LRTM1: variants seen among roughly 807,000 people sequenced by gnomAD.
The protein encoded by LRTM1 is leucine rich repeat transmembrane protein 1, also known as leucine-rich repeat and transmembrane domain-containing protein 1.
LRTM1 carries 38 observed loss-of-function variants against 32.4 expected under a neutral mutation model. The ratio of observed to expected loss-of-function variants is 1.17; its 90% CI spans 0.91 to 1.54. The LOEUF is 1.54. LRTM1 is among the 40% of genes most tolerant of loss of function. The pLI is 0.00. For synonymous variants in LRTM1, 186 were observed against 169.9 expected, an observed-to-expected ratio of 1.09 and a Z score of -0.74; for missense variants, 466 against 415.4, an observed-to-expected ratio of 1.12 and a Z score of -1.06.
chr3:54,948,414 A>G (rs1244276773), intron 1 of LRTM1, among the ~76,000 whole-genome samples: 2 of 152,220 alleles, frequency 1.3e-5, no homozygotes, highest in African/African-American at 4.8e-5. Context: ...TCATGGGCAT[A>G]TATGTGTTTG....
At chr3:54,965,568 G>A (rs556617323) in intron 1 of LRTM1, among the ~76,000 whole-genome samples, 1 of 152,296 alleles carries the variant, frequency 6.6e-6, no homozygotes, top group East Asian at 1.9e-4. Flanking sequence ...TGGACGTGGA[G>A]GGAGCTTAGT....
chr3:54,951,911 C>T (rs961920293), intron 1 of LRTM1, among the ~76,000 whole-genome samples: 4 of 152,138 alleles, frequency 2.6e-5, no homozygotes, highest in Non-Finnish European at 5.9e-5. Context: ...TGCAGTGACG[C>T]GATCTCGGCT....
At chr3:54,954,768 T>G (rs918147891) in intron 1 of LRTM1, among the ~76,000 whole-genome samples, 2 of 152,138 alleles carry the variant, frequency 1.3e-5, no homozygotes, top group Non-Finnish European at 2.9e-5. Flanking sequence ...TGTCCTCCCT[T>G]CCCTGAGGCC....
intron 1 of LRTM1, among the ~76,000 whole-genome samples, chr3:54,959,484 C>T (rs918263565): frequency 3.3e-5 from 5 of 151,010 alleles, no homozygotes; most frequent in African/African-American, 1.2e-4. Flanking sequence ...AAACATCCAA[C>T]TCAGAGATGT....
chr3:54,918,357 TCTTTTG>T lies in LRTM1; in HGVS notation c.*96_*101del. On this transcript the variant is annotated 3_prime_UTR_variant, in exon 3 of 3. Transcript: ENST00000273286. The stretch of plus-strand genomic sequence containing the variant: ...CTTTTTTTTTTTTTTTTTTTTTTTG[TCTTTTG>T]GCAAAAGCAAAATCAGACTAACAGG... The T allele has an allele frequency of 9.7e-6, 4 of 412,632 alleles. No homozygotes were observed. Among genetic ancestry groups the T allele is most frequent in the Admixed American group, 6.9e-5 (1 of 14,492 alleles). 25.6% of individuals were successfully genotyped at this position (412,632 alleles called of 1,614,324 possible).
chr3:54,950,146 T>C (rs1484129818), intron 1 of LRTM1, among the ~76,000 whole-genome samples: 4 of 152,224 alleles, frequency 2.6e-5, no homozygotes, highest in East Asian at 3.8e-4. Flanking sequence ...AAGTGAAAAG[T>C]AGGGAACTGG....
Position 54,918,351 on chromosome 3 carries a change from T to TA in LRTM1, c.*107_*108insT. ...TTTTTTCTTTTTTTTTTTTTTTTTT[T>TA]TTTTGTCTTTTGGCAAAAGCAAAAT... is the stretch of plus-strand genomic sequence containing the variant. On this transcript the variant is annotated 3_prime_UTR_variant, in exon 3 of 3. Coordinates refer to ENST00000273286, the MANE Select transcript of LRTM1 (RefSeq NM_020678.4). The TA allele has an allele frequency of 2.3e-6, 1 of 434,988 alleles. No individual in the cohort carries two copies. Among genetic ancestry groups the TA allele is most frequent in the Non-Finnish European group, 3.7e-6 (1 of 270,754 alleles). 26.9% of individuals were successfully genotyped at this position (434,988 alleles called of 1,614,324 possible). A position where few individuals can be genotyped will look rare whatever the true frequency, so the allele number is the denominator to read the frequency against.
intron 2 of LRTM1, 26 bp downstream of exon 2, chr3:54,924,593 G>A: frequency 1.3e-6 from 2 of 1,546,964 alleles, no homozygotes; most frequent in Non-Finnish European, 1.8e-6. Flanking sequence ...CACACAGATG[G>A]GGGGTTCCAA....
intron 1 of LRTM1, among the ~76,000 whole-genome samples, chr3:54,949,631 T>G (rs1038348216): frequency 6.6e-6 from 1 of 152,156 alleles, no homozygotes; most frequent in Admixed American, 6.5e-5. Flanking sequence ...AGCGCATTGG[T>G]CACTTATTTC....
At chr3:54,950,682 T>C (rs186534458) in intron 1 of LRTM1, among the ~76,000 whole-genome samples, 7 of 152,286 alleles carry the variant, frequency 4.6e-5, no homozygotes, top group Admixed American at 2.6e-4. Context: ...CCAGGTTCTC[T>C]ACTCACGAAA....
At chr3:54,942,799 T>G (rs1334239607) in intron 1 of LRTM1, among the ~76,000 whole-genome samples, 2 of 151,764 alleles carry the variant, frequency 1.3e-5, no homozygotes, top group Non-Finnish European at 2.9e-5. Flanking sequence ...CCGAGGCGGG[T>G]GGATCACAAG....
At chr3:54,942,683 GT>G (rs1559639169) in intron 1 of LRTM1, among the ~76,000 whole-genome samples, 1 of 152,010 alleles carries the variant, frequency 6.6e-6, no homozygotes, top group African/African-American at 2.4e-5. Flanking sequence ...GAGGACAGGA[GT>G]TTGAGACCAG....
intron 1 of LRTM1, among the ~76,000 whole-genome samples, chr3:54,960,058 C>T (rs78087475): frequency 0.013 from 1,845 of 146,906 alleles, 38 homozygotes; most frequent in African/African-American, 0.045. Context: ...GTGACAGTTC[C>T]GAGAAGCTCT....
intron 1 of LRTM1, among the ~76,000 whole-genome samples, chr3:54,960,473 G>A (rs1702004776): frequency 6.6e-6 from 1 of 152,154 alleles, no homozygotes; most frequent in East Asian, 1.9e-4. Flanking sequence ...AGGTGTTTCT[G>A]CTGCTGTGAG....
intron 1 of LRTM1, among the ~76,000 whole-genome samples, chr3:54,946,367 A>C (rs185040349): frequency 7.9e-5 from 12 of 152,330 alleles, no homozygotes; most frequent in African/African-American, 2.9e-4. Context: ...GTATGCCTTC[A>C]GAGATTTTAG....
intron 1 of LRTM1, among the ~76,000 whole-genome samples, chr3:54,958,967 G>A (rs149929809): frequency 2.6e-3 from 401 of 152,144 alleles, no homozygotes; most frequent in East Asian, 0.015. Flanking sequence ...GAGGCATGGT[G>A]GCACATGCCT....
chr3:54,958,709 A>G (rs758114681), intron 1 of LRTM1, among the ~76,000 whole-genome samples: 18 of 152,198 alleles, frequency 1.2e-4, no homozygotes, highest in Admixed American at 2.6e-4. Flanking sequence ...AACTGTCTCA[A>G]TTCTCTCAGG....
intron 1 of LRTM1, 152 bp from the exon 2 acceptor site, chr3:54,925,367 G>T: frequency 1.6e-6 from 1 of 644,238 alleles, no homozygotes; most frequent in East Asian, 2.7e-5. Flanking sequence ...ACCGTCTTTA[G>T]TAGAGCCAGG....
Position 54,918,825 on chromosome 3 carries a change from G to A in LRTM1, c.672C>T (p.Ile224=). ...DTWKGKDLLR[I]PHELYQPCPL... Reference sequence around the variant, plus strand: ...GGCAGGGCTGGTACAGCTCATGAGGGATCCTAAGGAGGTCCTTTCCCTTCC... The same window carrying A: ...GGCAGGGCTGGTACAGCTCATGAGGAATCCTAAGGAGGTCCTTTCCCTTCC... Residue 224 remains isoleucine, a synonymous_variant, in exon 3 of 3, where the codon ATC becomes ATT. Transcript: ENST00000273286. The A allele has an allele frequency of 6.2e-7, 1 of 1,600,874 alleles. No homozygotes were observed. Among genetic ancestry groups the A allele is most frequent in the East Asian group, 2.2e-5 (1 of 44,596 alleles).
Sources: gnomAD v4.1 joint callset for allele counts (sites outside exome capture counted in the v4.1 genomes callset) on GRCh38, gnomAD v4.1.1 for gene constraint, MANE v1.5 for transcripts, NCBI Gene and HGNC (gene_info 2026-07-23, HGNC 2026-07-21) for gene names.